The following CSMD3 variants were observed in gnomAD, a reference collection of about 807,000 sequenced individuals.
The protein encoded by CSMD3 is CUB and sushi domain-containing protein 3.
Under a neutral mutation model 435.2 loss-of-function variants are expected in CSMD3, and 177 were observed. The ratio of observed to expected loss-of-function variants is 0.41; its 90% confidence interval spans 0.36 to 0.46. The LOEUF (loss-of-function observed/expected upper bound fraction) is 0.46, where lower values mean the gene tolerates loss of function less well. Among genes scored for constraint, CSMD3 ranks in the 20% least tolerant of loss-of-function variants. The pLI is 0.34. For synonymous variants in CSMD3, 1,656 were observed against 1,520.5 expected, an observed-to-expected ratio of 1.09 and a Z score of -2.07; for missense variants, 4,265 against 4,504.6, an observed-to-expected ratio of 0.95 and a Z score of 1.52.
chr8:112,572,323 T>C (rs1425761388), intron 24 of CSMD3, among the ~76,000 whole-genome samples: 1 of 152,110 alleles, frequency 6.6e-6, no homozygotes, highest in East Asian at 1.9e-4. Context: ...GTTTAGTTAA[T>C]GTTAGTGATG....
intron 13 of CSMD3, among the ~76,000 whole-genome samples, chr8:112,722,593 A>G (rs2076882784): frequency 6.6e-6 from 1 of 151,936 alleles, no homozygotes; most frequent in South Asian, 2.1e-4. Flanking sequence ...GTGTGTGTGT[A>G]GTGTAGGAGG....
intron 22 of CSMD3, among the ~76,000 whole-genome samples, chr8:112,609,793 T>C (rs1833111597): frequency 6.6e-6 from 1 of 152,100 alleles, no homozygotes; most frequent in South Asian, 2.1e-4. Flanking sequence ...AAAGAAAATG[T>C]AATATATATA....
chr8:112,289,376 G>A lies in CSMD3; in HGVS notation c.9137C>T (p.Pro3046Leu), dbSNP rs766051907. Residue 3046 changes from proline (P) to leucine (L), a missense_variant, in exon 57 of 71, where the codon CCT becomes CTT. Pro to Leu is a moderately conservative substitution (Grantham distance 98). This residue lies in a region of CSMD3 where 3,255 missense variants were observed against 3,380.2 expected (regional missense o/e 0.96). Coordinates refer to ENST00000297405, the MANE Select transcript of CSMD3 (RefSeq NM_198123.2). ...TTTCCAAGTGGTACCTGAACAATGA[G>A]GTTGTGATCCACTCCAATGGCCATT... ...QLNGHWSGSQ[P>L]HCSGDATGTC... The A allele has an allele frequency of 1.9e-6, 3 of 1,612,936 alleles. No homozygotes were observed. Among genetic ancestry groups the A allele is most frequent in the Admixed American group, 3.3e-5 (2 of 59,876 alleles).
intron 22 of CSMD3, among the ~76,000 whole-genome samples, chr8:112,602,361 T>G (rs1289895205): frequency 6.6e-6 from 1 of 151,440 alleles, no homozygotes; most frequent in Non-Finnish European, 1.5e-5. Flanking sequence ...AGGTCAGGAG[T>G]CCGAGACCAG....
At chr8:112,975,471 C>T (rs1182934511) in intron 7 of CSMD3, among the ~76,000 whole-genome samples, 1 of 151,992 alleles carries the variant, frequency 6.6e-6, no homozygotes, top group Non-Finnish European at 1.5e-5. Flanking sequence ...AATATATGCA[C>T]TTATTAATCA....
At chr8:113,384,150 C>T (rs1345154726) in intron 1 of CSMD3, among the ~76,000 whole-genome samples, 1 of 152,102 alleles carries the variant, frequency 6.6e-6, no homozygotes, top group Non-Finnish European at 1.5e-5. Context: ...AGCTGAAATA[C>T]GAATCTTTTG....
intron 4 of CSMD3, among the ~76,000 whole-genome samples, chr8:113,117,334 T>C (rs1317633165): frequency 6.6e-6 from 1 of 152,176 alleles, no homozygotes; most frequent in African/African-American, 2.4e-5. Flanking sequence ...GCACCAACCC[T>C]TGGCAGCTTC....
intron 22 of CSMD3, among the ~76,000 whole-genome samples, chr8:112,621,222 C>T (rs535104777): frequency 1.5e-3 from 229 of 151,338 alleles, no homozygotes; most frequent in African/African-American, 5.2e-3. Context: ...GCAATAAGAG[C>T]GAAACTCTGT....
intron 13 of CSMD3, among the ~76,000 whole-genome samples, chr8:112,764,431 C>T (rs2077924808): frequency 6.6e-6 from 1 of 151,192 alleles, no homozygotes; most frequent in Non-Finnish European, 1.5e-5. Context: ...GGTGAATTTA[C>T]ATTTTAACTA....
intron 13 of CSMD3, among the ~76,000 whole-genome samples, chr8:112,789,598 A>C (rs969215726): frequency 2.1e-5 from 3 of 145,446 alleles, no homozygotes; most frequent in Admixed American, 1.5e-4. Context: ...TAACATGCTT[A>C]TATTATGTTA....
intron 10 of CSMD3, among the ~76,000 whole-genome samples, chr8:112,870,498 G>A (rs1371850621): frequency 1.3e-5 from 2 of 151,302 alleles, no homozygotes; most frequent in Admixed American, 6.6e-5. Context: ...GGATGGTCTC[G>A]ATCTTCTGAC....
intron 31 of CSMD3, among the ~76,000 whole-genome samples, chr8:112,490,675 G>A (rs897181255): frequency 4.0e-5 from 6 of 151,748 alleles, no homozygotes; most frequent in African/African-American, 1.5e-4. Flanking sequence ...TCTGGCTCCT[G>A]GAAATTTTTC....
intron 30 of CSMD3, among the ~76,000 whole-genome samples, chr8:112,494,116 A>G (rs1018587260): frequency 6.6e-6 from 1 of 152,116 alleles, no homozygotes; most frequent in African/African-American, 2.4e-5. Flanking sequence ...AATGTACTTT[A>G]GCATTTTTAA....
At chr8:112,449,714 T>C (rs1816040490) in intron 32 of CSMD3, among the ~76,000 whole-genome samples, 2 of 152,220 alleles carry the variant, frequency 1.3e-5, no homozygotes, top group Admixed American at 1.3e-4. Context: ...GTCATCATTG[T>C]TTTGTTCTAA....
chr8:112,909,035 T>A (rs1454722475), intron 10 of CSMD3, among the ~76,000 whole-genome samples: 1 of 151,526 alleles, frequency 6.6e-6, no homozygotes. Context: ...GTCTTTTTTT[T>A]TCCCTCAGAA....
chr8:113,400,456 A>T (rs939914664), intron 1 of CSMD3, among the ~76,000 whole-genome samples: 2 of 151,988 alleles, frequency 1.3e-5, no homozygotes, highest in Non-Finnish European at 2.9e-5. Flanking sequence ...TAAAAAATGG[A>T]GTGATTATAT....
chr8:112,444,496 G>A lies in CSMD3; in HGVS notation c.5395+28095C>T, dbSNP rs183823468. 1.8e-3 allele frequency among the ~76,000 whole-genome samples: 268 copies of A among 152,256 alleles called. No homozygotes were observed. The Middle Eastern group carries it at 0.027, about 15-fold the overall frequency. On this transcript the variant is annotated intron_variant, in intron 32 of 70. Coordinates refer to ENST00000297405, the MANE Select transcript of CSMD3 (RefSeq NM_198123.2). The stretch of plus-strand genomic sequence containing the variant: ...GGACAATAGATAAATGCCCTATGGT[G>A]CATACAATGGGATATTACCCAGAAA...
chr8:112,369,764 C>T (rs759598719), intron 38 of CSMD3, among the ~76,000 whole-genome samples: 2 of 151,678 alleles, frequency 1.3e-5, no homozygotes, highest in African/African-American at 2.4e-5. Context: ...CTAATGCATG[C>T]GGGGCTTAAA....
chr8:112,239,403 G>A (rs552925265), intron 66 of CSMD3, among the ~76,000 whole-genome samples: 1 of 151,926 alleles, frequency 6.6e-6, no homozygotes, highest in African/African-American at 2.4e-5. Flanking sequence ...GAGTCAAATG[G>A]GCCTGAAATT....
Sources: allele counts gnomAD v4.1 joint callset (sites outside exome capture counted in the v4.1 genomes callset), GRCh38; gene constraint gnomAD v4.1.1; regional missense constraint gnomAD v4.1.1; transcripts MANE v1.5; gene names NCBI Gene and HGNC (gene_info 2026-07-23, HGNC 2026-07-21).